Variants in DMGDH observed in about 807,000 individuals in gnomAD.
DMGDH encodes the protein dimethylglycine dehydrogenase, mitochondrial.
A neutral mutation model predicts 95.2 loss-of-function variants in DMGDH; 76 were observed. The observed-to-expected ratio is 0.80, with a 90% CI of 0.66 to 0.97. The LOEUF (loss-of-function observed/expected upper bound fraction) is 0.97. Among genes scored for constraint, DMGDH ranks in the 50% least tolerant of loss-of-function variants. The pLI, the probability that DMGDH is intolerant of heterozygous loss-of-function variation, is 0.00. For missense variants in DMGDH, 987 were observed against 1,055.0 expected (o/e 0.94, Z 0.89); for synonymous variants, 345 against 377.6 (o/e 0.91, Z 1.00).
intron 7 of DMGDH, among the ~76,000 whole-genome samples, chr5:79,041,627 C>G (rs888285962): frequency 1.3e-5 from 2 of 152,072 alleles, no homozygotes; most frequent in African/African-American, 2.4e-5. Flanking sequence ...AAAACTGGGG[C>G]AAATTGACTA....
rs1490344808 is a variant in DMGDH at position 79,021,517 on chromosome 5, G to GC, written c.2250+2753dup. 5.5e-6 allele frequency: 7 copies of GC among 1,278,978 alleles called. No homozygotes were observed. In the South Asian group the frequency reaches 7.5e-5, roughly 14 times the overall value. The allele number at this position is 1,278,978 out of a possible 1,614,324, so 79.2% of individuals were successfully genotyped here. On this transcript the variant is annotated intron_variant, in intron 14 of 15. Transcript: ENST00000255189. Reference sequence around the variant, plus strand: ...GACGGAAGGAAGCAAGGGCCACTGCGCCGTCTCCCTTTGTGATGAAAGAGT... The same window carrying GC: ...GACGGAAGGAAGCAAGGGCCACTGCGCCCGTCTCCCTTTGTGATGAAAGAGT...
At chr5:79,044,181 A>G (rs182678885) in intron 6 of DMGDH, 123 bp downstream of exon 6, 9 of 1,392,018 alleles carry the variant, frequency 6.5e-6, no homozygotes, top group Middle Eastern at 1.8e-4. Context: ...TGTCACCTCC[A>G]ATGTCCCAGG....
intron 8 of DMGDH, 134 bp downstream of exon 8, chr5:79,033,105 C>T: frequency 8.8e-7 from 1 of 1,137,334 alleles, no homozygotes; most frequent in South Asian, 1.3e-5. Flanking sequence ...CTTGTTATGT[C>T]TCAGGGGCAC....
chr5:79,062,152 C>T (rs891496906), intron 2 of DMGDH, among the ~76,000 whole-genome samples: 1 of 151,972 alleles, frequency 6.6e-6, no homozygotes, highest in Non-Finnish European at 1.5e-5. Context: ...TCTCTGTTGG[C>T]AGGTCGCCTC....
At chr5:79,048,235 A>G (rs1754736763) in intron 5 of DMGDH, among the ~76,000 whole-genome samples, 1 of 152,120 alleles carries the variant, frequency 6.6e-6, no homozygotes, top group Non-Finnish European at 1.5e-5. Flanking sequence ...TAACTTTTCA[A>G]GATGGGGACT....
chr5:79,019,980 T>C (rs1003998456), intron 14 of DMGDH, among the ~76,000 whole-genome samples: 1 of 152,204 alleles, frequency 6.6e-6, no homozygotes, highest in Non-Finnish European at 1.5e-5. Context: ...GGGATGGTAC[T>C]CAACAATTTG....
intron 7 of DMGDH, among the ~76,000 whole-genome samples, chr5:79,033,795 G>A (rs1194839222): frequency 2.6e-5 from 4 of 152,130 alleles, no homozygotes; most frequent in African/African-American, 9.7e-5. Context: ...ATCTCGGCAT[G>A]GTGGCACGAG....
chr5:79,001,133 G>A, intron 15 of DMGDH: 2 of 544,598 alleles, frequency 3.7e-6, no homozygotes, highest in Admixed American at 2.8e-5. Flanking sequence ...AGCCCTGGAA[G>A]CAGCTCTGCG....
At chr5:79,016,732 C>T (rs1213803764) in intron 14 of DMGDH, among the ~76,000 whole-genome samples, 2 of 152,020 alleles carry the variant, frequency 1.3e-5, no homozygotes, top group Non-Finnish European at 2.9e-5. Flanking sequence ...TTCAAAGGAC[C>T]TAGAATAGCC....
intron 15 of DMGDH, among the ~76,000 whole-genome samples, chr5:79,001,343 A>G (rs897897276): frequency 6.6e-6 from 1 of 152,142 alleles, no homozygotes; most frequent in African/African-American, 2.4e-5. Flanking sequence ...TTGTATTTTT[A>G]GTAGAGACGG....
intron 14 of DMGDH, among the ~76,000 whole-genome samples, chr5:79,015,712 C>T (rs888902706): frequency 6.6e-6 from 1 of 152,134 alleles, no homozygotes; most frequent in African/African-American, 2.4e-5. Flanking sequence ...ATGGCAAGCT[C>T]TAAGTGCTGT....
chr5:79,041,528 A>G (rs1436457855), intron 7 of DMGDH, among the ~76,000 whole-genome samples: 2 of 152,250 alleles, frequency 1.3e-5, no homozygotes, highest in African/African-American at 2.4e-5. Flanking sequence ...TTGGACAAAC[A>G]TGAATTATGG....
At chr5:79,063,202 A>T (rs1287926852) in intron 2 of DMGDH, among the ~76,000 whole-genome samples, 1 of 152,178 alleles carries the variant, frequency 6.6e-6, no homozygotes, top group African/African-American at 2.4e-5. Context: ...ATCCAGGCTC[A>T]CCCAGACAGT....
At chr5:79,053,003 G>A (rs1487541393) in intron 4 of DMGDH, among the ~76,000 whole-genome samples, 1 of 152,182 alleles carries the variant, frequency 6.6e-6, no homozygotes, top group Admixed American at 6.5e-5. Context: ...GATGTATAAT[G>A]CAAGGGAGTC....
chr5:79,063,765 C>A lies in DMGDH; in HGVS notation c.124G>T (p.Ala42Ser), dbSNP rs1743674881. ...GCTCTGTCTTTCCATTGTGTTTCTG[C>A]AGATAAGGGTGGTTTTTCCTCTCTG... ...REGEEKPPLSAETQWKDRAET... is the reference protein window; with the variant it reads ...REGEEKPPLSSETQWKDRAET... The change falls in exon 2 of 16, where the codon GCA becomes TCA. Residue 42 changes from alanine (A) to serine (S), a missense_variant. Transcript: ENST00000255189. 6.2e-7 allele frequency: 1 copy of A among 1,614,122 alleles called. No homozygotes were observed. The highest frequency in any genetic ancestry group is 1.7e-5 in the Admixed American group (1 of 60,006).
In DMGDH at chr5:79,063,795, A is replaced by C. The variant is rs1755285583; in HGVS notation, c.102-8T>G. The C allele has an allele frequency of 6.2e-7, 1 of 1,613,992 alleles. No homozygotes were observed. Among genetic ancestry groups the C allele is most frequent in the African/African-American group, 1.3e-5 (1 of 74,918 alleles). ...AAGGGTGGTTTTTCCTCTCTGGAAG[A>C]GGGAAAGTTAAAATGGGAACTTCAA... On this transcript the variant is annotated splice_polypyrimidine_tract_variant and splice_region_variant and intron_variant, in intron 1 of 15. Transcript: ENST00000255189.
chr5:79,064,303 T>C (rs1755306090), intron 1 of DMGDH, among the ~76,000 whole-genome samples: 1 of 151,458 alleles, frequency 6.6e-6, no homozygotes, highest in South Asian at 2.1e-4. Context: ...CAGTGAACCA[T>C]GAGTGCGCCA....
At chr5:79,050,261 A>ATAT (rs1754806494) in intron 5 of DMGDH, among the ~76,000 whole-genome samples, 1 of 62,104 alleles carries the variant, frequency 1.6e-5, no homozygotes, top group African/African-American at 5.8e-5. Flanking sequence ...AAAAAAAAAA[A>ATAT]AAAAAAAAAA....
In DMGDH at chr5:79,041,832, TA is replaced by T. The variant is rs1044408116; in HGVS notation, c.1193+450del. Among the ~76,000 whole-genome samples, 15 of 151,468 alleles carry T rather than the reference TA, an allele frequency of 9.9e-5. 1 individual carries two copies. The East Asian group carries it at 2.3e-3, about 24-fold the overall frequency. On this transcript the variant is annotated intron_variant, in intron 7 of 15. Coordinates refer to ENST00000255189, the MANE Select transcript of DMGDH (RefSeq NM_013391.3). ...CAACATGGTAAAACCCTGTCTCTAC[TA>T]AAAAAAAATTACAAAAAATTAGCCG...
Sources: allele counts gnomAD v4.1 joint callset (sites outside exome capture counted in the v4.1 genomes callset), GRCh38; gene constraint gnomAD v4.1.1; transcripts MANE v1.5; gene names NCBI Gene and HGNC (gene_info 2026-07-23, HGNC 2026-07-21).